The following IFT46 variants were observed in gnomAD, a reference collection of about 807,000 sequenced individuals.
The protein encoded by IFT46 is intraflagellar transport protein 46 homolog.
IFT46 carries 19 observed loss-of-function variants against 39.6 expected under a neutral mutation model. The observed-to-expected ratio is 0.48, with a 90% CI of 0.33 to 0.70. The LOEUF (loss-of-function observed/expected upper bound fraction) is 0.70, where lower values mean the gene tolerates loss of function less well. Ranked by LOEUF, IFT46 falls within the 30% of genes least tolerant of loss-of-function variation. The pLI, the probability that IFT46 is intolerant of heterozygous loss-of-function variation, is 0.01. For synonymous variants in IFT46, 117 were observed against 134.8 expected (o/e 0.87, Z 0.91); for missense variants, 334 against 364.8 (o/e 0.92, Z 0.69).
intron 7 of IFT46, among the ~76,000 whole-genome samples, chr11:118,554,196 G>A (rs1192744452): frequency 2.0e-5 from 3 of 150,494 alleles, no homozygotes; most frequent in South Asian, 2.1e-4. Context: ...GACTACAGGC[G>A]CCCGCCACTA....
At chr11:118,573,498 C>G, upstream of IFT46, 2 of 514,614 alleles carry the variant, frequency 3.9e-6, no homozygotes, top group Non-Finnish European at 7.0e-6. Flanking sequence ...TGTGGATATT[C>G]ATGAAGTAGT....
chr11:118,553,398 G>A (rs7109271), intron 7 of IFT46, among the ~76,000 whole-genome samples: 1 of 146,494 alleles, frequency 6.8e-6, no homozygotes, highest in South Asian at 2.2e-4. Context: ...CCAAGATCAC[G>A]CCATTGCACT....
chr11:118,555,394 G>A lies in IFT46; in HGVS notation c.186-72C>T, dbSNP rs150138933. On this transcript the variant is annotated intron_variant, in intron 4 of 11. Transcript: ENST00000264021. ...AGGTGGCAGGGTCCTAGGTGCTGGT[G>A]TGTTACTGACTATAGGGACATGATC... 1,772 of 1,105,382 alleles carry A rather than the reference G, an allele frequency of 1.6e-3. 21 individuals are homozygous for A. The African/African-American group carries it at 0.023, about 14-fold the overall frequency. 68.5% of individuals were successfully genotyped at this position (1,105,382 alleles called of 1,614,324 possible). A position where few individuals can be genotyped will look rare whatever the true frequency, so the allele number is the denominator to read the frequency against.
chr11:118,555,553 AT>A, intron 4 of IFT46: 6 of 425,938 alleles, frequency 1.4e-5, no homozygotes, highest in South Asian at 9.5e-5. Context: ...AAAACATAAT[AT>A]TTTTTTGATG....
upstream of IFT46, chr11:118,565,942 A>C (rs1353232467): frequency 2.6e-5 from 4 of 152,312 alleles, no homozygotes; most frequent in African/African-American, 9.7e-5. Context: ...AAATTTTAAA[A>C]TTCGCGAGAG....
At chr11:118,562,120 CA>C (rs1184518949) in intron 2 of IFT46, among the ~76,000 whole-genome samples, 4 of 151,874 alleles carry the variant, frequency 2.6e-5, no homozygotes, top group Non-Finnish European at 5.9e-5. Context: ...ACTAAAAATA[CA>C]AAAAAATTAG....
chr11:118,546,517 T>C (rs1951690835), intron 9 of IFT46: 6 of 195,082 alleles, frequency 3.1e-5, no homozygotes, highest in East Asian at 1.3e-4. Context: ...AGGGAGGGAA[T>C]CAACCATGCC....
chr11:118,574,367 A>G (rs868955180), upstream of IFT46, among the ~76,000 whole-genome samples: 1 of 152,188 alleles, frequency 6.6e-6, no homozygotes, highest in Admixed American at 6.5e-5. Context: ...TTTATCTAAA[A>G]GTTGTATCAA....
rs1360747506 is a variant in IFT46 at position 118,555,971 on chromosome 11, GA to G, written c.186-650del. Among the ~76,000 whole-genome samples the G allele has an allele frequency of 5.6e-4, 84 of 148,758 alleles. 1 individual carries two copies. Among genetic ancestry groups the G allele is most frequent in the East Asian group, 2.7e-3 (14 of 5,098 alleles). On this transcript the variant is annotated intron_variant, in intron 4 of 11. Coordinates refer to ENST00000264021, the MANE Select transcript of IFT46 (RefSeq NM_001168618.2). ...TCTGACATGAAAATAGTTTGCACCAGAAAAAAAAAATTATAGAAGTGTTTTT... is the reference window on the plus strand; with the variant it reads ...TCTGACATGAAAATAGTTTGCACCAGAAAAAAAAATTATAGAAGTGTTTTT...
Position 118,546,492 on chromosome 11 carries a change from AAAAG to A in IFT46, c.673-643_673-640del, listed in dbSNP as rs1405579363. 1.8e-5 allele frequency: 4 copies of A among 224,226 alleles called. No homozygotes were observed. In the Admixed American group the frequency reaches 2.0e-4, roughly 11 times the overall value. The allele number at this position is 224,226 out of a possible 1,614,324, so 13.9% of individuals were successfully genotyped here. A position where few individuals can be genotyped will look rare whatever the true frequency, so the allele number is the denominator to read the frequency against. ...GGCATAGAGTAATACCCTGTAAAAA[AAAAG>A]GAAGGAAGGGAGGGAGGGAATCAAC... On this transcript the variant is annotated intron_variant, in intron 9 of 11. Coordinates refer to ENST00000264021, the MANE Select transcript of IFT46 (RefSeq NM_001168618.2).
intron 2 of IFT46, among the ~76,000 whole-genome samples, chr11:118,563,820 C>T (rs1938141160): frequency 6.6e-6 from 1 of 152,138 alleles, no homozygotes; most frequent in African/African-American, 2.4e-5. Flanking sequence ...TTTCCTCTTC[C>T]TGGTCTACTT....
upstream of IFT46, among the ~76,000 whole-genome samples, chr11:118,566,750 T>C (rs1938236633): frequency 6.6e-6 from 1 of 152,214 alleles, no homozygotes; most frequent in South Asian, 2.1e-4. Flanking sequence ...AGTAGACTTT[T>C]AACTTATTTA....
chr11:118,550,185 C>A (rs11216888), intron 9 of IFT46, among the ~76,000 whole-genome samples: 232 of 152,270 alleles, frequency 1.5e-3, no homozygotes, highest in African/African-American at 5.2e-3. Context: ...GATCTACCTG[C>A]CTCGGCCTCC....
chr11:118,558,467 C>T lies in IFT46; in HGVS notation c.45+1318G>A, dbSNP rs201485498. Among the ~76,000 whole-genome samples the T allele has an allele frequency of 1.1e-4, 16 of 151,600 alleles. No homozygotes were observed. The East Asian group carries it at 1.8e-3, about 17-fold the overall frequency. ...AAAATTAGCCAGGCGTGGTGGCGCACGCCTGTAATCCCAGCTACTCAGGAG... is the reference window on the plus strand; with the variant it reads ...AAAATTAGCCAGGCGTGGTGGCGCATGCCTGTAATCCCAGCTACTCAGGAG... On this transcript the variant is annotated intron_variant, in intron 3 of 11. Coordinates refer to ENST00000264021, the MANE Select transcript of IFT46 (RefSeq NM_001168618.2).
At chr11:118,559,296 C>G (rs1937950170) in intron 3 of IFT46, among the ~76,000 whole-genome samples, 4 of 152,100 alleles carry the variant, frequency 2.6e-5, no homozygotes. Flanking sequence ...TAACAGCAGC[C>G]AACATCTGGG....
intron 3 of IFT46, 152 bp from the exon 4 acceptor site, chr11:118,557,197 C>A (rs1937871686): frequency 1.7e-6 from 1 of 581,196 alleles, no homozygotes; most frequent in Non-Finnish European, 2.8e-6. Flanking sequence ...GGCTTGAGAG[C>A]CTTCTTCTGC....
intron 7 of IFT46, among the ~76,000 whole-genome samples, chr11:118,553,561 T>C (rs1276773847): frequency 1.3e-5 from 2 of 152,128 alleles, no homozygotes; most frequent in African/African-American, 4.8e-5. Context: ...CTGGTGGGAA[T>C]GTAAAATGGT....
At chr11:118,549,455 T>G (rs1241771180) in intron 9 of IFT46, among the ~76,000 whole-genome samples, 1 of 152,096 alleles carries the variant, frequency 6.6e-6, no homozygotes, top group Admixed American at 6.5e-5. Flanking sequence ...TTAACTTTGT[T>G]TATGGTATCT....
At chr11:118,573,593 T>A, upstream of IFT46, 1 of 687,042 alleles carries the variant, frequency 1.5e-6, no homozygotes, top group Non-Finnish European at 2.7e-6. Context: ...TGTTCTGTTC[T>A]GTTCTTTTTT....
Sources: allele counts gnomAD v4.1 joint callset (sites outside exome capture counted in the v4.1 genomes callset), GRCh38; gene constraint gnomAD v4.1.1; transcripts MANE v1.5; gene names NCBI Gene and HGNC (gene_info 2026-07-23, HGNC 2026-07-21).